The following SLC38A12 variants were observed in gnomAD, a reference collection of about 807,000 sequenced individuals.
SLC38A12 encodes the protein solute carrier family 38 member 12, also known as putative sodium-coupled neutral amino acid transporter 12.
At chr17:74,806,377 G>A in the SLC38A12 span, among the ~76,000 whole-genome samples, 4 of 152,136 alleles carry the variant, frequency 2.6e-5, no homozygotes, top group African/African-American at 4.8e-5. Flanking sequence ...ACAGCCGTCG[G>A]GGAGAATAAT....
At chr17:74,836,016 C>T in the SLC38A12 span, 33 of 1,611,088 alleles carry the variant, frequency 2.0e-5, no homozygotes, top group Non-Finnish European at 2.2e-5. The surrounding 1 kb of genome is among the most constrained non-coding windows in gnomAD (Gnocchi z 4.2). Flanking sequence ...CTCGGGGGTC[C>T]GGAACCTGTT....
the SLC38A12 span, among the ~76,000 whole-genome samples, chr17:74,828,016 G>A: frequency 3.3e-5 from 5 of 152,198 alleles, no homozygotes; most frequent in African/African-American, 2.4e-5. Flanking sequence ...CCTGTTCCCC[G>A]CCTGGAGTGC....
the SLC38A12 span, among the ~76,000 whole-genome samples, chr17:74,812,696 C>CCCGAGTGCT: frequency 1.3e-5 from 2 of 152,200 alleles, no homozygotes; most frequent in Non-Finnish European, 2.9e-5. Flanking sequence ...TCACTCCAAG[C>CCCGAGTGCT]CCGAGTGCTC....
chr17:74,801,684 A>T, the SLC38A12 span, among the ~76,000 whole-genome samples: 1 of 152,158 alleles, frequency 6.6e-6, no homozygotes, highest in African/African-American at 2.4e-5. Context: ...GGTGAACTCT[A>T]ACTTCAGACA....
At chr17:74,835,896 C>T in the SLC38A12 span, 8 of 1,575,202 alleles carry the variant, frequency 5.1e-6, no homozygotes, top group Non-Finnish European at 6.0e-6. Context: ...TGCCTGTCCC[C>T]ACCAGGTGAC....
chr17:74,785,425 G>A, the SLC38A12 span: 9 of 1,586,436 alleles, frequency 5.7e-6, no homozygotes, highest in South Asian at 4.5e-5. Flanking sequence ...CTTGGGAGCT[G>A]TTAAGGGGAG....
At chr17:74,834,399 A>C in the SLC38A12 span, among the ~76,000 whole-genome samples, 1 of 151,754 alleles carries the variant, frequency 6.6e-6, no homozygotes, top group East Asian at 1.9e-4. Context: ...CTTTACCGGC[A>C]ATTTTCTCAG....
the SLC38A12 span, among the ~76,000 whole-genome samples, chr17:74,803,002 C>T: frequency 1.3e-5 from 2 of 151,986 alleles, no homozygotes; most frequent in African/African-American, 4.8e-5. Flanking sequence ...GTTGCCATGA[C>T]CTTGACCCAC....
At chr17:74,780,981 T>G in the SLC38A12 span, among the ~76,000 whole-genome samples, 2 of 152,362 alleles carry the variant, frequency 1.3e-5, no homozygotes, top group South Asian at 4.1e-4. Context: ...CTAGCGGTGA[T>G]CCTGCCCCCC....
At chr17:74,795,651 G>T in the SLC38A12 span, 4 of 1,600,712 alleles carry the variant, frequency 2.5e-6, no homozygotes, top group Non-Finnish European at 3.4e-6. Context: ...CTGTGCCTCT[G>T]TGCCGCCTGC....
the SLC38A12 span, chr17:74,788,781 C>A: frequency 1.2e-6 from 2 of 1,612,050 alleles, no homozygotes; most frequent in Admixed American, 1.7e-5. Flanking sequence ...GGCACTCGGC[C>A]CCCTCAGCTT....
chr17:74,799,539 G>A, the SLC38A12 span, among the ~76,000 whole-genome samples: 1 of 152,206 alleles, frequency 6.6e-6, no homozygotes, highest in Non-Finnish European at 1.5e-5. Context: ...TTGTGACAGA[G>A]AGAGTCTTCC....
At chr17:74,790,131 T>C in the SLC38A12 span, 1 of 1,330,722 alleles carries the variant, frequency 7.5e-7, no homozygotes, top group African/African-American at 1.4e-5. Context: ...CATTCTGTAC[T>C]TTTTTGATGT....
the SLC38A12 span, among the ~76,000 whole-genome samples, chr17:74,824,454 G>GCCC: frequency 1.9e-4 from 28 of 150,638 alleles, no homozygotes; most frequent in African/African-American, 6.8e-4. Context: ...GGCTGCCCCT[G>GCCC]CCCCGCCGCA....
At chr17:74,827,754 C>T in the SLC38A12 span, among the ~76,000 whole-genome samples, 1 of 152,198 alleles carries the variant, frequency 6.6e-6, no homozygotes, top group Non-Finnish European at 1.5e-5. The surrounding 1 kb of genome is among the most constrained non-coding windows in gnomAD (Gnocchi z 4.7). Context: ...TTGGGCTCTT[C>T]TTCCACCTCC....
chr17:74,791,150 A>C, the SLC38A12 span: 1 of 909,174 alleles, frequency 1.1e-6, no homozygotes, highest in Non-Finnish European at 1.7e-6. Context: ...GGGGCAGAGC[A>C]GGTGGTAGAG....
chr17:74,780,387 G>T, the SLC38A12 span, among the ~76,000 whole-genome samples: 1 of 152,188 alleles, frequency 6.6e-6, no homozygotes, highest in South Asian at 2.1e-4. Flanking sequence ...AGGGAGCAGT[G>T]CCTGTGCCTC....
the SLC38A12 span, chr17:74,777,396 C>T: frequency 1.9e-6 from 3 of 1,614,116 alleles, no homozygotes; most frequent in East Asian, 2.2e-5. Flanking sequence ...CTTATAGAAC[C>T]TTTTGCTCAC....
At chr17:74,786,500 A>G in the SLC38A12 span, among the ~76,000 whole-genome samples, 1 of 152,216 alleles carries the variant, frequency 6.6e-6, no homozygotes, top group Non-Finnish European at 1.5e-5. Flanking sequence ...TGAAGATAAT[A>G]AATGGGTAAA....
Sources: gnomAD v4.1 joint callset for allele counts (sites outside exome capture counted in the v4.1 genomes callset) on GRCh38, gnomAD v4.1.1 for gene constraint, Gnocchi (gnomAD v3.1) non-coding constraint, MANE v1.5 for transcripts, NCBI Gene and HGNC (gene_info 2026-07-23, HGNC 2026-07-21) for gene names.